Variants in SYNJ1 observed in about 807,000 individuals in gnomAD.
The protein encoded by SYNJ1 is synaptojanin 1.
A neutral mutation model predicts 168.2 loss-of-function variants in SYNJ1; 78 were observed. That is an observed-to-expected ratio of 0.46 (90% CI 0.39 to 0.56). The LOEUF (loss-of-function observed/expected upper bound fraction) is 0.56, where lower values mean the gene tolerates loss of function less well. SYNJ1 is among the 20% of genes least tolerant of loss of function. The pLI is 0.00. For missense variants in SYNJ1, 1,303 were observed against 1,597.6 expected (o/e 0.82, Z 3.14); for synonymous variants, 539 against 548.6 (o/e 0.98, Z 0.24).
Position 32,641,928 on chromosome 21 carries a change from G to A in SYNJ1, c.3556C>T (p.Pro1186Ser), listed in dbSNP as rs777317691. The change falls in exon 29 of 33, where the codon CCA becomes TCA. Residue 1186 changes from proline to serine, a missense_variant. Pro to Ser is a moderately conservative substitution (Grantham distance 74). This residue lies in a region of SYNJ1 where 383 missense variants were observed against 388.8 expected (regional missense o/e 0.99). Coordinates refer to ENST00000674351, the MANE Select transcript of SYNJ1 (RefSeq NM_203446.3). ...GCTGTACTGTATCCAGCAGGTCCTGGGCCTGCAAGTCCTGCTTGAGGTGAA... is the reference window on the plus strand; with the variant it reads ...GCTGTACTGTATCCAGCAGGTCCTGAGCCTGCAAGTCCTGCTTGAGGTGAA... ...QPSPQAGLAG[P>S]GPAGYSTARP... 4.3e-6 allele frequency: 7 copies of A among 1,613,620 alleles called. No homozygotes were observed. The highest frequency in any genetic ancestry group is 5.9e-6 in the Non-Finnish European group (7 of 1,179,806).
intron 13 of SYNJ1, among the ~76,000 whole-genome samples, chr21:32,673,835 T>G (rs2041300169): frequency 6.6e-6 from 1 of 152,202 alleles, no homozygotes; most frequent in African/African-American, 2.4e-5. Flanking sequence ...ATAGTTCTGT[T>G]TCAATGAAAT....
intron 4 of SYNJ1, 62 bp downstream of exon 4, chr21:32,699,776 T>C: frequency 1.3e-6 from 2 of 1,545,244 alleles, no homozygotes; most frequent in South Asian, 1.3e-5. Flanking sequence ...AGGTTTTTGA[T>C]GACTGAACAA....
intron 2 of SYNJ1, among the ~76,000 whole-genome samples, chr21:32,706,438 G>A (rs2042611636): frequency 1.3e-5 from 2 of 151,464 alleles, no homozygotes; most frequent in Admixed American, 6.6e-5. Flanking sequence ...GGGGGTGATG[G>A]GTCATCATGT....
At chr21:32,668,140 C>G (rs2041026825) in intron 15 of SYNJ1, among the ~76,000 whole-genome samples, 1 of 151,970 alleles carries the variant, frequency 6.6e-6, no homozygotes, top group Non-Finnish European at 1.5e-5. Context: ...TCTCCACTCA[C>G]TGCAACCTCC....
intron 23 of SYNJ1, among the ~76,000 whole-genome samples, chr21:32,646,805 T>C (rs779169244): frequency 1.3e-5 from 2 of 152,210 alleles, no homozygotes; most frequent in Non-Finnish European, 2.9e-5. Flanking sequence ...AGGTATCTAT[T>C]GTCTCTGAGC....
intron 18 of SYNJ1, among the ~76,000 whole-genome samples, chr21:32,663,254 G>A (rs759642516): frequency 6.6e-6 from 1 of 152,074 alleles, no homozygotes; most frequent in Non-Finnish European, 1.5e-5. Flanking sequence ...TCAATTATTG[G>A]ACAATATTGC....
rs150500694 is a variant in SYNJ1, at chr21:32,678,631, TA to T, written c.1510+13del. 0.44 allele frequency: 697,666 copies of T among 1,567,940 alleles called. 155,847 individuals carry two copies. Among genetic ancestry groups the T allele is most frequent in the African/African-American group, 0.52 (37,694 of 71,964 alleles). Reference sequence around the variant, plus strand: ...AGGAATATAAATAACAAATAAAATATAAAGTGCACATACCACGCAAACTTCC... The same window carrying T: ...AGGAATATAAATAACAAATAAAATATAAGTGCACATACCACGCAAACTTCC... On this transcript the variant is annotated intron_variant, in intron 12 of 32. Transcript: ENST00000674351.
At chr21:32,643,691 T>C (rs1206262644) in intron 26 of SYNJ1, among the ~76,000 whole-genome samples, 1 of 152,208 alleles carries the variant, frequency 6.6e-6, no homozygotes, top group Non-Finnish European at 1.5e-5. Context: ...CAGTTTTCTT[T>C]TTATGTATGC....
Position 32,720,132 on chromosome 21 carries a change from G to A in SYNJ1, c.124+6640C>T, listed in dbSNP as rs535742692. Among the ~76,000 whole-genome samples, 4 of 152,214 alleles carry A rather than the reference G, an allele frequency of 2.6e-5. No homozygotes were observed. The South Asian group carries it at 8.3e-4, about 32-fold the overall frequency. Reference sequence around the variant, plus strand: ...CACATGCCTGTAATCCCAGCTACTTGGGAGGCTGAGGCAGGAGAACTGCTT... The same window carrying A: ...CACATGCCTGTAATCCCAGCTACTTAGGAGGCTGAGGCAGGAGAACTGCTT... On this transcript the variant is annotated intron_variant, in intron 2 of 32. Coordinates refer to ENST00000674351, the MANE Select transcript of SYNJ1 (RefSeq NM_203446.3).
At chr21:32,682,129 G>C (rs1003368049) in intron 10 of SYNJ1, among the ~76,000 whole-genome samples, 3 of 152,130 alleles carry the variant, frequency 2.0e-5, no homozygotes, top group Non-Finnish European at 4.4e-5. Flanking sequence ...TAAAACTTCT[G>C]AATGAAGTCA....
intron 31 of SYNJ1, among the ~76,000 whole-genome samples, chr21:32,638,128 G>C (rs2039663027): frequency 6.6e-6 from 1 of 152,136 alleles, no homozygotes; most frequent in African/African-American, 2.4e-5. Flanking sequence ...GAATGCAGTG[G>C]AGCGATCATG....
chr21:32,666,182 T>G, intron 16 of SYNJ1, 47 bp from the exon 17 acceptor site: 2 of 1,556,032 alleles, frequency 1.3e-6, no homozygotes, highest in Non-Finnish European at 1.7e-6. Context: ...TTTCAAGAGT[T>G]CCATGTGCAT....
intron 11 of SYNJ1, among the ~76,000 whole-genome samples, chr21:32,680,387 C>A (rs559162344): frequency 2.0e-4 from 31 of 152,160 alleles, no homozygotes; most frequent in African/African-American, 7.5e-4. Flanking sequence ...CATTTCTATT[C>A]TTGAAATAAT....
rs1471855193 is a variant in SYNJ1 at position 32,695,083 on chromosome 21, C to T, written c.679G>A (p.Val227Ile). Residue 227 changes from valine to isoleucine, a missense_variant, in exon 5 of 33, where the codon GTT (valine) becomes ATT (isoleucine). This residue lies in a region of SYNJ1 where 920 missense variants were observed against 1,208.8 expected (regional missense o/e 0.76). Coordinates refer to ENST00000674351, the MANE Select transcript of SYNJ1 (RefSeq NM_203446.3). ...TGTTCTGTTTCTACAAAATTGGCAACATGACCATCATCATTTGTTCCCCGG... is the reference window on the plus strand; with the variant it reads ...TGTTCTGTTTCTACAAAATTGGCAATATGACCATCATCATTTGTTCCCCGG... Reference protein sequence around the residue: ...NVRGTNDDGHVANFVETEQVV... With the variant: ...NVRGTNDDGHIANFVETEQVV... 6.2e-7 allele frequency: 1 copy of T among 1,614,136 alleles called. No individual in the cohort carries two copies. The highest frequency in any genetic ancestry group is 8.5e-7 in the Non-Finnish European group (1 of 1,180,016).
intron 12 of SYNJ1, among the ~76,000 whole-genome samples, chr21:32,676,629 G>C (rs1345006511): frequency 6.6e-6 from 1 of 152,202 alleles, no homozygotes; most frequent in African/African-American, 2.4e-5. Context: ...GGCTGCTCCT[G>C]TGTGTATGTT....
At chr21:32,637,888 T>C (rs1323951954) in intron 31 of SYNJ1, among the ~76,000 whole-genome samples, 1 of 152,208 alleles carries the variant, frequency 6.6e-6, no homozygotes, top group Non-Finnish European at 1.5e-5. Context: ...TACTTTAATA[T>C]CTGTTTTCAC....
chr21:32,642,685 T>C (rs544785742), intron 27 of SYNJ1, among the ~76,000 whole-genome samples: 3 of 152,338 alleles, frequency 2.0e-5, no homozygotes, highest in South Asian at 4.1e-4. Flanking sequence ...GACAGGCATA[T>C]GTTATTACCA....
At chr21:32,722,498 G>A (rs1028919175) in intron 2 of SYNJ1, among the ~76,000 whole-genome samples, 1 of 151,932 alleles carries the variant, frequency 6.6e-6, no homozygotes, top group Non-Finnish European at 1.5e-5. Flanking sequence ...TGCAGTGCAC[G>A]GAGATCATAC....
At chr21:32,675,369 T>A (rs2041364828) in intron 13 of SYNJ1, among the ~76,000 whole-genome samples, 1 of 152,122 alleles carries the variant, frequency 6.6e-6, no homozygotes, top group South Asian at 2.1e-4. Context: ...CTTAATGTGC[T>A]TAAAGAAACA....
Sources: gnomAD v4.1 joint callset for allele counts (sites outside exome capture counted in the v4.1 genomes callset) on GRCh38, gnomAD v4.1.1 for gene constraint, gnomAD v4.1.1 regional missense constraint, MANE v1.5 for transcripts, NCBI Gene and HGNC (gene_info 2026-07-23, HGNC 2026-07-21) for gene names.